Variants in XRN1 observed in about 807,000 individuals in gnomAD.
The protein encoded by XRN1 is strand-exchange protein 1 homolog.
Under a neutral mutation model 222.3 loss-of-function variants are expected in XRN1, and 67 were observed. The ratio of observed to expected loss-of-function variants is 0.30; its 90% confidence interval spans 0.25 to 0.37. XRN1 has a LOEUF of 0.37. Ranked by LOEUF, XRN1 falls within the 10% of genes least tolerant of loss-of-function variation. The pLI, the probability that XRN1 is intolerant of heterozygous loss-of-function variation, is 1.00. For missense variants in XRN1, 1,707 were observed against 2,000.2 expected (o/e 0.85, Z 2.80); for synonymous variants, 643 against 652.4 (o/e 0.99, Z 0.22).
Position 142,310,666 on chromosome 3 carries a change from C to A in XRN1, c.*845G>T, listed in dbSNP as rs977125191. ...TCAGGTAAGCAAATAAAAAGCTATA[C>A]AAAATAATACAGTTTATTAATTAAC... On this transcript the variant is annotated 3_prime_UTR_variant, in exon 41 of 41. Coordinates refer to ENST00000392981, the MANE Select transcript of XRN1 (RefSeq NM_001282857.2). The A allele has an allele frequency of 4.6e-5, 7 of 152,470 alleles. No homozygotes were observed. Among genetic ancestry groups the A allele is most frequent in the African/African-American group, 1.7e-4 (7 of 41,396 alleles). The allele number at this position is 152,470 out of a possible 1,614,324, so 9.4% of individuals were successfully genotyped here.
At chr3:142,381,740 T>A (rs1441967691) in intron 22 of XRN1, among the ~76,000 whole-genome samples, 2 of 151,860 alleles carry the variant, frequency 1.3e-5, no homozygotes, top group Non-Finnish European at 2.9e-5. Flanking sequence ...CTAATTTTTA[T>A]AATTTTAGCA....
chr3:142,368,780 T>A (rs1467618909), intron 27 of XRN1, among the ~76,000 whole-genome samples: 1 of 152,098 alleles, frequency 6.6e-6, no homozygotes, highest in Non-Finnish European at 1.5e-5. Context: ...AGAAAAAGAG[T>A]CATCTAGTGG....
intron 20 of XRN1, among the ~76,000 whole-genome samples, chr3:142,387,888 C>A (rs367701637): frequency 6.6e-6 from 1 of 152,094 alleles, no homozygotes; most frequent in East Asian, 1.9e-4. Flanking sequence ...CTCCCTACCC[C>A]TCTCTTGCTT....
rs1007934628 is a variant in XRN1, at chr3:142,425,423, A to G, written c.516+6T>C. ...TTAAACTCTTTAAATAAAAAAAGAT[A>G]ATAACCTCATGGCCTGAGAAGTAGA... On this transcript the variant is annotated splice_donor_region_variant and intron_variant, in intron 4 of 40. Transcript: ENST00000392981. 7 of 1,601,846 alleles carry G rather than the reference A, an allele frequency of 4.4e-6. No individual in the cohort carries two copies. Among genetic ancestry groups the G allele is most frequent in the Admixed American group, 3.4e-5 (2 of 58,316 alleles).
chr3:142,357,802 G>C (rs763243296), intron 30 of XRN1, among the ~76,000 whole-genome samples: 1 of 152,068 alleles, frequency 6.6e-6, no homozygotes, highest in Non-Finnish European at 1.5e-5. Flanking sequence ...TTGGGAGGCC[G>C]AGGCAGGTCG....
intron 33 of XRN1, among the ~76,000 whole-genome samples, chr3:142,341,663 T>C (rs559809210): frequency 5.9e-5 from 9 of 152,168 alleles, no homozygotes; most frequent in African/African-American, 2.2e-4. Context: ...CCCAATGATC[T>C]GTTGCCTAAC....
intron 10 of XRN1, among the ~76,000 whole-genome samples, chr3:142,419,678 G>A (rs983497215): frequency 4.5e-4 from 68 of 152,106 alleles, no homozygotes; most frequent in African/African-American, 1.6e-3. Flanking sequence ...GTGGTGGCGC[G>A]CACCTCTAAT....
chr3:142,370,980 A>C (rs2066972002), intron 26 of XRN1, among the ~76,000 whole-genome samples: 2 of 152,084 alleles, frequency 1.3e-5, no homozygotes, highest in African/African-American at 4.8e-5. Context: ...GAGTCAAAAA[A>C]AAAAATTAGT....
intron 31 of XRN1, among the ~76,000 whole-genome samples, chr3:142,356,115 GGTT>G (rs2066460044): frequency 6.6e-6 from 1 of 151,914 alleles, no homozygotes. Flanking sequence ...CCCACCAATA[GGTT>G]TTTTGTCTTC....
At chr3:142,387,349 AAAGGGTGTAC>A (rs1347252905) in intron 20 of XRN1, among the ~76,000 whole-genome samples, 1 of 152,200 alleles carries the variant, frequency 6.6e-6, no homozygotes, top group Non-Finnish European at 1.5e-5. Context: ...GTAATGGATA[AAAGGGTGTAC>A]AAGGGACTTC....
intron 15 of XRN1, among the ~76,000 whole-genome samples, chr3:142,408,412 G>A (rs2068435139): frequency 6.6e-6 from 1 of 152,140 alleles, no homozygotes; most frequent in Non-Finnish European, 1.5e-5. Context: ...GGGCTGGGAG[G>A]GTCTTCTATC....
Position 142,306,988 on chromosome 3 carries a change from CT to C in XRN1, c.*4522del, listed in dbSNP as rs1236815184. On this transcript the variant is annotated 3_prime_UTR_variant, in exon 41 of 41. Transcript: ENST00000392981. ...TGTATCTATATATGTATGAATTACA[CT>C]TTTGTTTAAATGAACAAAATGTTGA... is the stretch of plus-strand genomic sequence containing the variant. The C allele has an allele frequency of 1.3e-5, 2 of 152,548 alleles. No homozygotes were observed. Among genetic ancestry groups the C allele is most frequent in the African/African-American group, 4.8e-5 (2 of 41,416 alleles). 9.4% of individuals were successfully genotyped at this position (152,548 alleles called of 1,614,324 possible). A position where few individuals can be genotyped will look rare whatever the true frequency, so the allele number is the denominator to read the frequency against.
intron 23 of XRN1, among the ~76,000 whole-genome samples, chr3:142,377,948 C>T (rs2067190973): frequency 6.6e-6 from 1 of 152,098 alleles, no homozygotes; most frequent in South Asian, 2.1e-4. Context: ...TCAAATGGCA[C>T]CAGATGGTAA....
chr3:142,428,078 G>A (rs1357844558), intron 2 of XRN1, among the ~76,000 whole-genome samples: 1 of 152,044 alleles, frequency 6.6e-6, no homozygotes, highest in East Asian at 1.9e-4. Flanking sequence ...ATGTCACAAG[G>A]TCTTGGGATA....
At chr3:142,356,372 T>C (rs1472872659) in intron 31 of XRN1, among the ~76,000 whole-genome samples, 1 of 152,188 alleles carries the variant, frequency 6.6e-6, no homozygotes, top group Non-Finnish European at 1.5e-5. Flanking sequence ...AAGCAGGTAC[T>C]ATTTGGGTTA....
At chr3:142,344,192 A>C (rs1384687060) in intron 33 of XRN1, among the ~76,000 whole-genome samples, 1 of 152,164 alleles carries the variant, frequency 6.6e-6, no homozygotes, top group Non-Finnish European at 1.5e-5. Flanking sequence ...GACTATAATA[A>C]AAATAATTGT....
chr3:142,431,103 C>A lies in XRN1; in HGVS notation c.308+1558G>T, dbSNP rs540386254. 4.6e-5 allele frequency among the ~76,000 whole-genome samples: 7 copies of A among 152,332 alleles called. No homozygotes were observed. In the South Asian group the frequency reaches 1.4e-3, roughly 32 times the overall value. ...TGTTGAATTAAGTGTCAATAATGTT[C>A]TCATTAGAAGAACCTCTTAGTTCAC... is the stretch of plus-strand genomic sequence containing the variant. On this transcript the variant is annotated intron_variant, in intron 2 of 40. Coordinates refer to ENST00000392981, the MANE Select transcript of XRN1 (RefSeq NM_001282857.2).
At chr3:142,394,839 T>A (rs1346074114) in intron 20 of XRN1, among the ~76,000 whole-genome samples, 2 of 152,190 alleles carry the variant, frequency 1.3e-5, no homozygotes, top group Admixed American at 6.5e-5. Context: ...AGAAAAAAAA[T>A]TTGTTACACA....
intron 27 of XRN1, among the ~76,000 whole-genome samples, chr3:142,366,519 T>C (rs2066817284): frequency 6.6e-6 from 1 of 152,214 alleles, no homozygotes; most frequent in African/African-American, 2.4e-5. Flanking sequence ...TGAACTGTTC[T>C]CTTACTCTAG....
Sources: allele counts gnomAD v4.1 joint callset (sites outside exome capture counted in the v4.1 genomes callset), GRCh38; gene constraint gnomAD v4.1.1; transcripts MANE v1.5; gene names NCBI Gene and HGNC (gene_info 2026-07-23, HGNC 2026-07-21).